CTNNA3: variants seen among roughly 807,000 people sequenced by gnomAD.
The protein encoded by CTNNA3 is catenin alpha 3, also known as catenin alpha-3.
CTNNA3 carries 76 observed loss-of-function variants against 95.7 expected under a neutral mutation model. The observed-to-expected ratio is 0.79, with a 90% CI of 0.66 to 0.96. The LOEUF (loss-of-function observed/expected upper bound fraction) is 0.96, where lower values mean the gene tolerates loss of function less well. Ranked by LOEUF, CTNNA3 falls within the 40% of genes least tolerant of loss-of-function variation. The pLI, the probability that CTNNA3 is intolerant of heterozygous loss-of-function variation, is 0.00. For missense variants in CTNNA3, 1,191 were observed against 1,089.8 expected (o/e 1.09, Z -1.31); for synonymous variants, 431 against 374.4 (o/e 1.15, Z -1.74).
chr10:66,195,608 C>A (rs1335740237), intron 13 of CTNNA3, among the ~76,000 whole-genome samples: 3 of 152,142 alleles, frequency 2.0e-5, no homozygotes, highest in Non-Finnish European at 4.4e-5. Context: ...GGAGTTTCCA[C>A]ATGAGAGAGC....
intron 5 of CTNNA3, among the ~76,000 whole-genome samples, chr10:67,313,309 G>A (rs1394796550): frequency 6.6e-6 from 1 of 152,050 alleles, no homozygotes; most frequent in East Asian, 1.9e-4. Context: ...GGAGGGGCCT[G>A]TAGTCCCAGC....
intron 12 of CTNNA3, among the ~76,000 whole-genome samples, chr10:66,365,757 G>GCTCTCT (rs71035132): frequency 7.4e-4 from 84 of 113,150 alleles, no homozygotes; most frequent in African/African-American, 2.2e-3. Context: ...TGCATCTTAG[G>GCTCTCT]CTCTCTCTCT....
intron 6 of CTNNA3, among the ~76,000 whole-genome samples, chr10:67,208,222 C>CAA (rs201097735): frequency 6.6e-6 from 1 of 150,496 alleles, no homozygotes; most frequent in African/African-American, 2.4e-5. Context: ...AACACACACA[C>CAA]AAAAAAAATT....
intron 2 of CTNNA3, among the ~76,000 whole-genome samples, chr10:67,626,921 A>C (rs1191299770): frequency 2.6e-5 from 4 of 152,160 alleles, no homozygotes; most frequent in African/African-American, 9.7e-5. Context: ...TTGGTAAATA[A>C]AGCTAGTTTT....
chr10:67,714,690 G>T (rs1228312140), intron 1 of CTNNA3, among the ~76,000 whole-genome samples: 2 of 152,126 alleles, frequency 1.3e-5, no homozygotes, highest in East Asian at 1.9e-4. Flanking sequence ...GGTTTGAGAG[G>T]GGCCAGGGGT....
intron 1 of CTNNA3, among the ~76,000 whole-genome samples, chr10:67,751,538 T>A (rs1841407147): frequency 1.4e-5 from 2 of 148,022 alleles, no homozygotes; most frequent in African/African-American, 2.6e-5. Context: ...TAATAAAAAA[T>A]AATGATCGTA....
intron 12 of CTNNA3, among the ~76,000 whole-genome samples, chr10:66,375,327 G>A (rs1589157667): frequency 1.3e-5 from 2 of 152,016 alleles, no homozygotes; most frequent in African/African-American, 4.8e-5. Context: ...GGGCTATAAT[G>A]AGACAGAGTG....
intron 13 of CTNNA3, among the ~76,000 whole-genome samples, chr10:66,201,887 C>CA (rs1292991771): frequency 2.9e-5 from 4 of 138,442 alleles, no homozygotes; most frequent in African/African-American, 1.1e-4. Flanking sequence ...CTCCTGGGTT[C>CA]AAGTGATTCT....
At chr10:65,972,373 T>A (rs146821353) in intron 16 of CTNNA3, among the ~76,000 whole-genome samples, 47 of 152,168 alleles carry the variant, frequency 3.1e-4, no homozygotes, top group African/African-American at 1.1e-3. Flanking sequence ...AAGGTATCCA[T>A]CTAGACAAAT....
chr10:65,920,356 C>A lies in CTNNA3; in HGVS notation c.2662G>T (p.Glu888Ter), dbSNP rs867483256. ...CAGTAGATTTGTCTTCCTCTAAATT[C>A]ACTCATGACTTGCAATGGATGGATT... ...KKIHPLQVMS[E>*]FRGRQIY Residue 888 changes from glutamate (E) to a stop codon, truncating the protein, a stop_gained, in exon 18 of 18, where the codon GAA becomes TAA. Coordinates refer to ENST00000433211, the MANE Select transcript of CTNNA3 (RefSeq NM_013266.4). LOFTEE classifies it high-confidence loss of function. The A allele has an allele frequency of 1.2e-6, 2 of 1,613,732 alleles. No homozygotes were observed. The highest frequency in any genetic ancestry group is 1.7e-6 in the Non-Finnish European group (2 of 1,179,926).
chr10:67,390,242 A>T (rs2132765637), intron 5 of CTNNA3, among the ~76,000 whole-genome samples: 1 of 152,318 alleles, frequency 6.6e-6, no homozygotes, highest in Admixed American at 6.5e-5. Context: ...GATCCCACAG[A>T]AATACAAACT....
intron 7 of CTNNA3, among the ~76,000 whole-genome samples, chr10:67,097,122 G>T (rs1454352865): frequency 6.6e-6 from 1 of 151,776 alleles, no homozygotes; most frequent in East Asian, 1.9e-4. Context: ...TTGGGTGGCA[G>T]GGGGTTGACT....
At chr10:66,217,397 T>C (rs904180350) in intron 13 of CTNNA3, among the ~76,000 whole-genome samples, 3 of 151,872 alleles carry the variant, frequency 2.0e-5, no homozygotes, top group Admixed American at 6.6e-5. Flanking sequence ...TATAACTTCC[T>C]GATATTAACT....
chr10:66,074,218 T>G (rs1231209645), intron 14 of CTNNA3, among the ~76,000 whole-genome samples: 2 of 111,910 alleles, frequency 1.8e-5, no homozygotes, highest in African/African-American at 2.9e-5. Flanking sequence ...ATTATTCCAC[T>G]CTACAAATAT....
intron 10 of CTNNA3, among the ~76,000 whole-genome samples, chr10:66,570,566 C>T (rs1235136691): frequency 1.3e-5 from 2 of 151,960 alleles, no homozygotes; most frequent in Admixed American, 6.6e-5. Flanking sequence ...GGATTACAGG[C>T]GTGAGCCACC....
intron 12 of CTNNA3, among the ~76,000 whole-genome samples, chr10:66,359,813 G>T (rs757819675): frequency 1.4e-5 from 2 of 146,460 alleles, no homozygotes; most frequent in Non-Finnish European, 3.0e-5. Context: ...GCATGCCATT[G>T]TACCAATCAT....
chr10:66,494,409 G>C (rs777208612), intron 11 of CTNNA3, among the ~76,000 whole-genome samples: 33 of 152,176 alleles, frequency 2.2e-4, no homozygotes, highest in Non-Finnish European at 3.7e-4. Context: ...TACTTTCACA[G>C]AGACAGTAGA....
At chr10:67,100,205 T>A (rs1165162606) in intron 7 of CTNNA3, among the ~76,000 whole-genome samples, 2 of 151,724 alleles carry the variant, frequency 1.3e-5, no homozygotes, top group African/African-American at 4.8e-5. Context: ...ACTTTCTTTC[T>A]TAAATATTTT....
intron 3 of CTNNA3, among the ~76,000 whole-genome samples, chr10:67,556,705 G>T (rs1841270544): frequency 6.6e-6 from 1 of 152,030 alleles, no homozygotes; most frequent in Non-Finnish European, 1.5e-5. Context: ...CAAAAAACCA[G>T]CTCCTGGATT....
Sources: gnomAD v4.1 joint callset for allele counts (sites outside exome capture counted in the v4.1 genomes callset) on GRCh38, gnomAD v4.1.1 for gene constraint, MANE v1.5 for transcripts, NCBI Gene and HGNC (gene_info 2026-07-23, HGNC 2026-07-21) for gene names.